Variants in ARAP2 observed in about 807,000 individuals in gnomAD.
ARAP2 encodes ArfGAP with RhoGAP domain, ankyrin repeat and PH domain 2, also known as arf-GAP with Rho-GAP domain, ANK repeat and PH domain-containing protein 2.
ARAP2 carries 148 observed loss-of-function variants against 194.5 expected under a neutral mutation model. The observed-to-expected ratio is 0.76, with a 90% CI of 0.67 to 0.87. ARAP2 has a LOEUF of 0.87. ARAP2 is among the 40% of genes least tolerant of loss of function. The pLI, the probability that ARAP2 is intolerant of heterozygous loss-of-function variation, is 0.00. For missense variants in ARAP2, 2,128 were observed against 1,989.7 expected (o/e 1.07, Z -1.32); for synonymous variants, 695 against 683.5 (o/e 1.02, Z -0.26).
chr4:36,144,144 C>T (rs1217510439), intron 19 of ARAP2, among the ~76,000 whole-genome samples: 3 of 151,434 alleles, frequency 2.0e-5, no homozygotes, highest in African/African-American at 4.8e-5. Flanking sequence ...GTATCATTGG[C>T]CAAATACTCC....
chr4:36,031,745 T>G (rs1171972429), intron 5 of ARAP2, among the ~76,000 whole-genome samples: 2 of 151,862 alleles, frequency 1.3e-5, no homozygotes, highest in Non-Finnish European at 2.9e-5. Context: ...CTTGGCTCAC[T>G]GCAACCTCTG....
intron 32 of ARAP2, among the ~76,000 whole-genome samples, chr4:36,071,483 G>A (rs1726872377): frequency 6.6e-6 from 1 of 152,010 alleles, no homozygotes; most frequent in Admixed American, 6.6e-5. Context: ...CAATTAACTT[G>A]AGAAGTCACT....
At chr4:36,211,821 C>A (rs369950836) in intron 5 of ARAP2, among the ~76,000 whole-genome samples, 1 of 151,980 alleles carries the variant, frequency 6.6e-6, no homozygotes, top group East Asian at 1.9e-4. Flanking sequence ...ATATATACAT[C>A]TACTATGTAA....
At chr4:36,080,952 G>A (rs1044045131) in intron 30 of ARAP2, among the ~76,000 whole-genome samples, 1 of 152,184 alleles carries the variant, frequency 6.6e-6, no homozygotes, top group African/African-American at 2.4e-5. Context: ...GGGATGAGGA[G>A]AGGGTTGTTC....
At chr4:36,217,401 T>C (rs919898609) in intron 2 of ARAP2, among the ~76,000 whole-genome samples, 5 of 152,138 alleles carry the variant, frequency 3.3e-5, no homozygotes, top group Non-Finnish European at 5.9e-5. Context: ...GCACCTGTGA[T>C]CCCAGATACT....
chr4:36,163,710 T>C lies in ARAP2; in HGVS notation c.2173+1204A>G, dbSNP rs559476355. On this transcript the variant is annotated intron_variant, in intron 11 of 32. Transcript: ENST00000303965. ...AAGAAACCATGGCTAAATACTTACA[T>C]AAGAGAGTGAATAAATGACGAACAT... 2.4e-4 allele frequency among the ~76,000 whole-genome samples: 37 copies of C among 151,664 alleles called. 2 individuals are homozygous for C. In the South Asian group the frequency reaches 7.7e-3, roughly 32 times the overall value.
In ARAP2 at chr4:36,067,931, T is replaced by G; in HGVS notation, c.5091A>C (p.Leu1697Phe). The G allele has an allele frequency of 6.3e-7, 1 of 1,587,540 alleles. No homozygotes were observed. Among genetic ancestry groups the G allele is most frequent in the South Asian group, 1.1e-5 (1 of 87,226 alleles). ...LQRSRTLPKE[L>F]QDEQILK Reference sequence around the variant, plus strand: ...CCTACTTCAAAATCTGCTCATCCTGTAATTCTTTTGGAAGGGTTCTTGACC... The same window carrying G: ...CCTACTTCAAAATCTGCTCATCCTGGAATTCTTTTGGAAGGGTTCTTGACC... The change falls in exon 33 of 33, where the codon TTA becomes TTC. Residue 1697 changes from leucine (L) to phenylalanine (F), a missense_variant. Leu to Phe is a conservative substitution (Grantham distance 22). Transcript: ENST00000303965.
At chr4:36,019,924 G>A (rs1170101778) in intron 5 of ARAP2, among the ~76,000 whole-genome samples, 2 of 152,148 alleles carry the variant, frequency 1.3e-5, no homozygotes, top group East Asian at 3.8e-4. Flanking sequence ...TGAAACCTCA[G>A]ATAGTGCTGA....
intron 19 of ARAP2, among the ~76,000 whole-genome samples, chr4:36,135,734 T>C (rs1726548188): frequency 6.6e-6 from 1 of 151,836 alleles, no homozygotes; most frequent in African/African-American, 2.4e-5. Context: ...ATCAAAATTA[T>C]GTCTTGCTAT....
intron 9 of ARAP2, among the ~76,000 whole-genome samples, chr4:36,168,125 A>G (rs924056236): frequency 5.3e-5 from 8 of 152,190 alleles, no homozygotes; most frequent in African/African-American, 1.9e-4. Context: ...GCCAAAAGTA[A>G]AAGAAGTGTA....
At position 36,159,401 on chromosome 4, in the gene ARAP2, G is replaced by T. The variant is rs1444371713; in HGVS notation, c.2547C>A (p.Thr849=). 1 of 1,610,676 alleles carries T rather than the reference G, an allele frequency of 6.2e-7. No homozygotes were observed. The change falls in exon 14 of 33, where the codon ACC becomes ACA. Residue 849 remains threonine (T), a synonymous_variant. Coordinates refer to ENST00000303965, the MANE Select transcript of ARAP2 (RefSeq NM_015230.4). ...CAGCTTTCTTGGCTAGCAGATAGGG[G>T]GTGCTATGCACGGGGTCTCCGGTGG... ...MCATGDPVHS[T]PYLLAKKAGQ...
intron 2 of ARAP2, among the ~76,000 whole-genome samples, chr4:36,223,495 A>T (rs2109318858): frequency 6.6e-6 from 1 of 152,268 alleles, no homozygotes; most frequent in East Asian, 1.9e-4. Context: ...CCTAAATTCT[A>T]TTACTTAAAT....
chr4:36,239,256 T>C (rs1343135727), intron 1 of ARAP2, among the ~76,000 whole-genome samples: 6 of 151,142 alleles, frequency 4.0e-5, no homozygotes, highest in Admixed American at 2.0e-4. Context: ...CAGAGAAAGA[T>C]GCTGTCTCAA....
At chr4:36,081,407 G>A (rs1284283895) in intron 30 of ARAP2, among the ~76,000 whole-genome samples, 1 of 152,174 alleles carries the variant, frequency 6.6e-6, no homozygotes, top group East Asian at 1.9e-4. Context: ...CATCACACAT[G>A]CAGATCTGAA....
intron 6 of ARAP2, among the ~76,000 whole-genome samples, chr4:36,207,363 T>G (rs1745778292): frequency 6.6e-6 from 1 of 152,234 alleles, no homozygotes; most frequent in Non-Finnish European, 1.5e-5. Flanking sequence ...CCCCCCAAAT[T>G]CAACATTTTA....
chr4:36,016,269 T>C (rs1327250894), intron 6 of ARAP2, among the ~76,000 whole-genome samples: 1 of 152,142 alleles, frequency 6.6e-6, no homozygotes, highest in African/African-American at 2.4e-5. Context: ...TATGGGTGTA[T>C]ATGTACATTT....
At chr4:36,214,382 T>G in intron 3 of ARAP2, 40 bp downstream of exon 3, 1 of 1,532,800 alleles carries the variant, frequency 6.5e-7, no homozygotes, top group Non-Finnish European at 8.9e-7. Flanking sequence ...GACTATCAAA[T>G]GAGCTCTAAT....
At chr4:36,164,511 A>G (rs770743632) in intron 11 of ARAP2, among the ~76,000 whole-genome samples, 1 of 152,214 alleles carries the variant, frequency 6.6e-6, no homozygotes, top group Non-Finnish European at 1.5e-5. Context: ...GATCTGGCAT[A>G]TGAAGTTTAG....
chr4:36,231,186 A>C (rs1164462897), intron 1 of ARAP2, among the ~76,000 whole-genome samples: 2 of 152,028 alleles, frequency 1.3e-5, no homozygotes, highest in East Asian at 3.9e-4. Flanking sequence ...AAATACAAAA[A>C]TTAGCTGGGT....
Sources: allele counts gnomAD v4.1 joint callset (sites outside exome capture counted in the v4.1 genomes callset), GRCh38; gene constraint gnomAD v4.1.1; transcripts MANE v1.5; gene names NCBI Gene and HGNC (gene_info 2026-07-23, HGNC 2026-07-21).